Variants in SAMD12 observed in about 807,000 individuals in gnomAD.
SAMD12 encodes sterile alpha motif domain-containing protein 12.
Under a neutral mutation model 15.0 loss-of-function variants are expected in SAMD12, and 9 were observed. The observed-to-expected ratio is 0.60, with a 90% CI of 0.36 to 1.05. SAMD12 has a LOEUF of 1.05. SAMD12 is among the 50% of genes least tolerant of loss of function. SAMD12 has a pLI of 0.01. For synonymous variants in SAMD12, 86 were observed against 90.1 expected (o/e 0.96, Z 0.25); for missense variants, 230 against 234.2 (o/e 0.98, Z 0.12).
At chr8:118,432,435 T>C (rs766071504) in intron 3 of SAMD12, among the ~76,000 whole-genome samples, 3 of 152,216 alleles carry the variant, frequency 2.0e-5, no homozygotes, top group Non-Finnish European at 1.5e-5. Context: ...TTATACTTCA[T>C]TGATGCCAGG....
At chr8:118,322,518 A>G (rs1465525849) in intron 4 of SAMD12, among the ~76,000 whole-genome samples, 2 of 152,252 alleles carry the variant, frequency 1.3e-5, no homozygotes, top group Non-Finnish European at 2.9e-5. Flanking sequence ...GTGGAAAGCC[A>G]AACACATTAC....
chr8:118,182,465 G>A, the SAMD12 span, among the ~76,000 whole-genome samples: 1 of 152,218 alleles, frequency 6.6e-6, no homozygotes, highest in African/African-American at 2.4e-5. Context: ...AAGTGTATAG[G>A]CTATGCCTAC....
At chr8:118,407,570 G>T (rs746734898) in intron 3 of SAMD12, among the ~76,000 whole-genome samples, 21 of 152,162 alleles carry the variant, frequency 1.4e-4, no homozygotes, top group Non-Finnish European at 2.4e-4. Flanking sequence ...GAAGAACTAT[G>T]TATGGACAAA....
chr8:118,279,935 C>T (rs11562784), intron 4 of SAMD12, among the ~76,000 whole-genome samples: 3,700 of 152,256 alleles, frequency 0.024, 56 homozygotes, highest in Admixed American at 0.037. Flanking sequence ...AAACACAGGA[C>T]GCACATGCCC....
intron 4 of SAMD12, among the ~76,000 whole-genome samples, chr8:118,241,023 C>T (rs1384349621): frequency 6.6e-6 from 1 of 152,142 alleles, no homozygotes; most frequent in Admixed American, 6.5e-5. Flanking sequence ...CCCCTACAAA[C>T]AACCACCTGA....
At position 118,533,652 on chromosome 8, in the gene SAMD12, A is replaced by T. The variant is rs1419215775; in HGVS notation, c.192+47063T>A. Among the ~76,000 whole-genome samples, 3 of 152,230 alleles carry T rather than the reference A, an allele frequency of 2.0e-5. No individual in the cohort carries two copies. In the South Asian group the frequency reaches 6.2e-4, roughly 31 times the overall value. On this transcript the variant is annotated intron_variant, in intron 2 of 3. Coordinates refer to ENST00000314727, the MANE Select transcript of SAMD12 (RefSeq NM_207506.3). ...TATTAGATGCATATATAATTAGGATAGTTAGCTCTTCTTGTTGAATTGATC... is the reference window on the plus strand; with the variant it reads ...TATTAGATGCATATATAATTAGGATTGTTAGCTCTTCTTGTTGAATTGATC...
intron 4 of SAMD12, among the ~76,000 whole-genome samples, chr8:118,269,356 C>T (rs1813290557): frequency 6.6e-6 from 1 of 151,806 alleles, no homozygotes; most frequent in Non-Finnish European, 1.5e-5. Flanking sequence ...TAGGAAAATA[C>T]TTTAAGCAGG....
rs527992624 is a variant in SAMD12, at chr8:118,561,500, C to T, written c.192+19215G>A. ...TTAATTGACTCACAATTCAGCATGG[C>T]TGGGGAGGCCTCAGGAAACTTACAA... On this transcript the variant is annotated intron_variant, in intron 2 of 3. Transcript: ENST00000314727. Among the ~76,000 whole-genome samples the T allele has an allele frequency of 3.0e-4, 46 of 152,244 alleles. 1 individual carries two copies. The highest frequency in any genetic ancestry group is 5.7e-4 in the Non-Finnish European group (39 of 67,996).
intron 2 of SAMD12, among the ~76,000 whole-genome samples, chr8:118,521,359 C>T (rs942598404): frequency 6.6e-6 from 1 of 152,196 alleles, no homozygotes; most frequent in African/African-American, 2.4e-5. Context: ...CAGGGGCTCT[C>T]ACTCTCAGAT....
chr8:118,422,205 T>C (rs565023422), intron 3 of SAMD12, among the ~76,000 whole-genome samples: 1 of 152,348 alleles, frequency 6.6e-6, no homozygotes, highest in East Asian at 1.9e-4. Flanking sequence ...GCCTACTTTA[T>C]GCCAGGCACT....
At chr8:118,415,654 T>A (rs1221171217) in intron 3 of SAMD12, among the ~76,000 whole-genome samples, 1 of 152,188 alleles carries the variant, frequency 6.6e-6, no homozygotes, top group East Asian at 1.9e-4. Flanking sequence ...CAGCTGACTC[T>A]TACTGAGGGT....
At chr8:118,174,039 T>A in the SAMD12 span, among the ~76,000 whole-genome samples, 1 of 152,228 alleles carries the variant, frequency 6.6e-6, no homozygotes, top group Non-Finnish European at 1.5e-5. Context: ...AAAATTGTTC[T>A]GAGTCAGTAC....
chr8:118,505,671 G>A (rs779521100), intron 2 of SAMD12, among the ~76,000 whole-genome samples: 23 of 151,690 alleles, frequency 1.5e-4, no homozygotes, highest in Non-Finnish European at 2.4e-4. Context: ...AGTCAGTCAC[G>A]CATTACATAC....
At chr8:118,213,908 T>G (rs1212555874) in intron 4 of SAMD12, among the ~76,000 whole-genome samples, 2 of 152,130 alleles carry the variant, frequency 1.3e-5, no homozygotes, top group Non-Finnish European at 2.9e-5. Flanking sequence ...TCAGGAAAGC[T>G]ACAGAATTAA....
At chr8:118,269,657 A>G (rs1813297585) in intron 4 of SAMD12, among the ~76,000 whole-genome samples, 1 of 152,194 alleles carries the variant, frequency 6.6e-6, no homozygotes, top group Admixed American at 6.5e-5. Context: ...AATATGGACA[A>G]GGATGCAATG....
rs191324975 is a variant in SAMD12, at chr8:118,326,025, A to G, written c.433+53535T>C. ...CTGGCTGACTTCACGCCGGAAGCCC[A>G]TGGATTCAGCTGCTGAAGAATGATG... On this transcript the variant is annotated intron_variant, in intron 4 of 4. Coordinates refer to the SAMD12 transcript ENST00000409003. Among the ~76,000 whole-genome samples the G allele has an allele frequency of 1.9e-3, 289 of 152,338 alleles. 1 individual carries two copies. The highest frequency in any genetic ancestry group is 3.1e-3 in the Non-Finnish European group (211 of 68,028).
chr8:118,547,808 A>C (rs527782075), intron 2 of SAMD12, among the ~76,000 whole-genome samples: 1 of 152,228 alleles, frequency 6.6e-6, no homozygotes, highest in Non-Finnish European at 1.5e-5. Flanking sequence ...CCTTGTCCTA[A>C]GAAATAACCA....
intron 1 of SAMD12, among the ~76,000 whole-genome samples, chr8:118,591,479 T>C (rs2131280025): frequency 6.6e-6 from 1 of 152,338 alleles, no homozygotes; most frequent in Non-Finnish European, 1.5e-5. Context: ...TACCATGTGT[T>C]CAATGAACAT....
chr8:118,392,166 C>T (rs1040766148), intron 3 of SAMD12, among the ~76,000 whole-genome samples: 3 of 152,172 alleles, frequency 2.0e-5, no homozygotes, highest in Non-Finnish European at 4.4e-5. Context: ...CAGTGGCTCA[C>T]GCCTGTAATC....
Sources: gnomAD v4.1 joint callset for allele counts (sites outside exome capture counted in the v4.1 genomes callset) on GRCh38, gnomAD v4.1.1 for gene constraint, MANE v1.5 for transcripts, NCBI Gene and HGNC (gene_info 2026-07-23, HGNC 2026-07-21) for gene names.